BACH1: variants seen among roughly 807,000 people sequenced by gnomAD.
The protein encoded by BACH1 is BTB domain and CNC homolog 1, also known as transcription regulator protein BACH1.
Under a neutral mutation model 52.9 loss-of-function variants are expected in BACH1, and 35 were observed. The ratio of observed to expected loss-of-function variants is 0.66; its 90% confidence interval spans 0.51 to 0.88. The LOEUF is 0.88. Ranked by LOEUF, BACH1 falls within the 40% of genes least tolerant of loss-of-function variation. The pLI, the probability that BACH1 is intolerant of heterozygous loss-of-function variation, is 0.00. For synonymous variants in BACH1, 321 were observed against 319.6 expected (o/e 1.00, Z -0.05); for missense variants, 808 against 872.6 (o/e 0.93, Z 0.93).
At chr21:29,356,190 G>GC (rs2089233734) in intron 2 of BACH1, among the ~76,000 whole-genome samples, 1 of 152,190 alleles carries the variant, frequency 6.6e-6, no homozygotes, top group Admixed American at 6.5e-5. Context: ...GTATGGCTCT[G>GC]CACTGACGGA....
At chr21:29,301,281 G>C (rs970605923) in intron 1 of BACH1, among the ~76,000 whole-genome samples, 3 of 152,278 alleles carry the variant, frequency 2.0e-5, no homozygotes, top group East Asian at 3.8e-4. Context: ...ATATAAGAAA[G>C]ACATTAAGCT....
intron 1 of BACH1, among the ~76,000 whole-genome samples, chr21:29,313,599 T>C (rs1212588219): frequency 3.9e-5 from 6 of 152,232 alleles, no homozygotes; most frequent in African/African-American, 1.4e-4. Flanking sequence ...CATATCCATG[T>C]AATGGAGTGT....
chr21:29,299,429 G>C (rs951758748), intron 1 of BACH1: 1 of 152,606 alleles, frequency 6.6e-6, no homozygotes, highest in African/African-American at 2.4e-5. Flanking sequence ...TACTCAGCCC[G>C]GTGGCTGTCG....
At chr21:29,324,213 C>CAG (rs1159583243) in intron 2 of BACH1, among the ~76,000 whole-genome samples, 1 of 128,770 alleles carries the variant, frequency 7.8e-6, no homozygotes, top group African/African-American at 3.1e-5. Context: ...GCCTGGGTGA[C>CAG]AGAGAGAGAC....
intron 2 of BACH1, chr21:29,359,207 A>G (rs2089256640): frequency 6.6e-6 from 1 of 152,024 alleles, no homozygotes; most frequent in Admixed American, 6.6e-5. Context: ...TACTCAAACT[A>G]AGATTTGACA....
At chr21:29,351,240 T>G (rs772110252) in intron 2 of BACH1, among the ~76,000 whole-genome samples, 1 of 152,188 alleles carries the variant, frequency 6.6e-6, no homozygotes, top group African/African-American at 2.4e-5. Context: ...CATCTTGATA[T>G]GCAGGTTTCC....
intron 2 of BACH1, chr21:29,351,595 T>C (rs1205110887): frequency 1.9e-6 from 1 of 534,524 alleles, no homozygotes; most frequent in Non-Finnish European, 3.8e-6. Context: ...ACCTCATCTA[T>C]TATGCTCAAC....
intron 2 of BACH1, among the ~76,000 whole-genome samples, chr21:29,357,199 A>C (rs1464889146): frequency 6.6e-6 from 1 of 152,228 alleles, no homozygotes; most frequent in Non-Finnish European, 1.5e-5. Flanking sequence ...AGTTCTGCTA[A>C]CGGGGCGCTG....
rs375793612 is a variant in BACH1 at position 29,334,394 on chromosome 21, G to A, written c.1776+4701G>A. Among the ~76,000 whole-genome samples the A allele has an allele frequency of 7.8e-4, 119 of 152,234 alleles. 1 individual carries two copies. Among genetic ancestry groups the A allele is most frequent in the African/African-American group, 2.8e-3 (117 of 41,548 alleles). Reference sequence around the variant, plus strand: ...ATTATAGGCGTGAGCCACTGCGCTCGGCCGACTTTTAAAACTAACAATTAT... The same window carrying A: ...ATTATAGGCGTGAGCCACTGCGCTCAGCCGACTTTTAAAACTAACAATTAT... On this transcript the variant is annotated intron_variant, in intron 4 of 4. Coordinates refer to ENST00000286800, the MANE Select transcript of BACH1 (RefSeq NM_001186.4).
In BACH1 at chr21:29,313,722, A is replaced by G. The variant is rs573117225; in HGVS notation, c.-60-7499A>G. Among the ~76,000 whole-genome samples the G allele has an allele frequency of 2.0e-5, 3 of 152,322 alleles. No homozygotes were observed. In the East Asian group the frequency reaches 5.8e-4, roughly 29 times the overall value. ...AAGAAACCCGAAGTAAGAGTACATA[A>G]TATGTGATTCTATTTGTATAAAAAG... On this transcript the variant is annotated intron_variant, in intron 1 of 4. Coordinates refer to ENST00000286800, the MANE Select transcript of BACH1 (RefSeq NM_001186.4).
chr21:29,321,334 C>T lies in BACH1; in HGVS notation c.54C>T (p.Thr18=). The T allele has an allele frequency of 6.2e-7, 1 of 1,614,204 alleles. No individual in the cohort carries two copies. The highest frequency in any genetic ancestry group is 1.1e-5 in the South Asian group (1 of 91,086). The change falls in exon 2 of 5, where the codon ACC becomes ACT. Residue 18 remains threonine (T), a synonymous_variant. Coordinates refer to ENST00000286800, the MANE Select transcript of BACH1 (RefSeq NM_001186.4). Reference sequence around the variant, plus strand: ...CCTATGAATCTTCTGTGCATAGCACCAATGTTTTACTCAGCCTTAATGACC... The same window carrying T: ...CCTATGAATCTTCTGTGCATAGCACTAATGTTTTACTCAGCCTTAATGACC... ...VFAYESSVHS[T]NVLLSLNDQR...
At chr21:29,356,194 TGACG>T (rs1169279488) in intron 2 of BACH1, among the ~76,000 whole-genome samples, 2 of 152,240 alleles carry the variant, frequency 1.3e-5, no homozygotes, top group Non-Finnish European at 2.9e-5. Context: ...GGCTCTGCAC[TGACG>T]GACTTGAGCT....
intron 3 of BACH1, among the ~76,000 whole-genome samples, chr21:29,327,893 G>A (rs962675986): frequency 1.3e-5 from 2 of 152,174 alleles, no homozygotes; most frequent in Non-Finnish European, 2.9e-5. Context: ...CTGTTCATTC[G>A]TTTCCAGTAG....
At chr21:29,352,087 C>T (rs570476732) in intron 2 of BACH1, among the ~76,000 whole-genome samples, 29 of 149,652 alleles carry the variant, frequency 1.9e-4, no homozygotes, top group Middle Eastern at 3.4e-3. Context: ...TGGAGTCTCA[C>T]TTTTTTGCCC....
Position 29,326,467 on chromosome 21 carries a change from G to A in BACH1, c.643G>A (p.Asp215Asn). The change falls in exon 3 of 5, where the codon GAT becomes AAT. Residue 215 changes from aspartate to asparagine, a missense_variant. By Grantham distance (23) the Asp-to-Asn change is conservative. Transcript: ENST00000286800. ...QTYESMCLEK[D>N]AALALPSLCP... ...ATATGAGTCCATGTGCTTAGAGAAG[G>A]ATGCTGCTCTGGCCTTGCCTTCTTT... 1 of 1,614,216 alleles carries A rather than the reference G, an allele frequency of 6.2e-7. No individual in the cohort carries two copies. Among genetic ancestry groups the A allele is most frequent in the African/African-American group, 1.3e-5 (1 of 75,048 alleles).
At chr21:29,329,736 T>G in intron 4 of BACH1, 43 bp downstream of exon 4, 1 of 1,358,198 alleles carries the variant, frequency 7.4e-7, no homozygotes, top group East Asian at 2.7e-5. Flanking sequence ...TTCCACCACT[T>G]TCTTTTTTGT....
intron 2 of BACH1, among the ~76,000 whole-genome samples, chr21:29,357,730 C>T (rs1236524889): frequency 6.6e-6 from 1 of 152,206 alleles, no homozygotes; most frequent in Non-Finnish European, 1.5e-5. Context: ...TGAGTAAGGA[C>T]TCCAAGAGCC....
chr21:29,316,569 T>A (rs541118310), intron 1 of BACH1, among the ~76,000 whole-genome samples: 5 of 152,316 alleles, frequency 3.3e-5, no homozygotes, highest in Middle Eastern at 6.8e-3. Context: ...TGTTAGAAGG[T>A]GCATGATGGA....
At chr21:29,322,141 C>G (rs1379225030) in intron 2 of BACH1, among the ~76,000 whole-genome samples, 1 of 152,144 alleles carries the variant, frequency 6.6e-6, no homozygotes, top group Non-Finnish European at 1.5e-5. Flanking sequence ...AGACCCGCCC[C>G]TGTGATTCAG....
Sources: allele counts gnomAD v4.1 joint callset (sites outside exome capture counted in the v4.1 genomes callset), GRCh38; gene constraint gnomAD v4.1.1; transcripts MANE v1.5; gene names NCBI Gene and HGNC (gene_info 2026-07-23, HGNC 2026-07-21).